CNTNAP5: variants seen among roughly 807,000 people sequenced by gnomAD.
CNTNAP5 encodes contactin-associated protein-like 5.
CNTNAP5 carries 72 observed loss-of-function variants against 150.2 expected under a neutral mutation model. The observed-to-expected ratio is 0.48, with a 90% CI of 0.40 to 0.58. CNTNAP5 has a LOEUF of 0.58. CNTNAP5 is among the 20% of genes least tolerant of loss of function. CNTNAP5 has a pLI of 0.00. For missense variants in CNTNAP5, 1,636 were observed against 1,626.2 expected, an observed-to-expected ratio of 1.01 and a Z score of -0.10; for synonymous variants, 672 against 619.8, an observed-to-expected ratio of 1.08 and a Z score of -1.25.
At chr2:124,161,806 G>A (rs1259557864) in intron 1 of CNTNAP5, among the ~76,000 whole-genome samples, 1 of 152,112 alleles carries the variant, frequency 6.6e-6, no homozygotes, top group Non-Finnish European at 1.5e-5. Flanking sequence ...TAAAATATGA[G>A]CATCATTAAA....
intron 1 of CNTNAP5, among the ~76,000 whole-genome samples, chr2:124,090,903 G>C (rs977466411): frequency 6.6e-6 from 1 of 152,158 alleles, no homozygotes; most frequent in Non-Finnish European, 1.5e-5. Context: ...GAAAACCTGT[G>C]CTCTGTTCAA....
chr2:124,836,840 CGT>C (rs1682840189), intron 19 of CNTNAP5, among the ~76,000 whole-genome samples: 1 of 152,104 alleles, frequency 6.6e-6, no homozygotes, highest in South Asian at 2.1e-4. Flanking sequence ...ACACATACCT[CGT>C]GTTTGTATTG....
chr2:124,521,734 T>G (rs919404277), intron 8 of CNTNAP5, among the ~76,000 whole-genome samples: 5 of 152,294 alleles, frequency 3.3e-5, no homozygotes, highest in African/African-American at 1.2e-4. Flanking sequence ...GCAAATGCAG[T>G]CCCATATGTT....
chr2:124,494,219 G>A (rs1004643591), intron 7 of CNTNAP5, among the ~76,000 whole-genome samples: 1 of 152,000 alleles, frequency 6.6e-6, no homozygotes, highest in African/African-American at 2.4e-5. Context: ...CTAACTCCAA[G>A]TTTGAAGGCT....
intron 13 of CNTNAP5, among the ~76,000 whole-genome samples, chr2:124,702,346 C>CCTTTTT (rs1679539235): frequency 1.9e-5 from 1 of 52,214 alleles, no homozygotes; most frequent in Non-Finnish European, 3.3e-5. Context: ...ACTATGAACA[C>CCTTTTT]TTTTTTTTTT....
chr2:124,682,741 G>T (rs949923709), intron 13 of CNTNAP5, among the ~76,000 whole-genome samples: 2 of 152,132 alleles, frequency 1.3e-5, no homozygotes, highest in Admixed American at 6.6e-5. Context: ...AATCTACCAG[G>T]TTCCTCAATC....
intron 1 of CNTNAP5, among the ~76,000 whole-genome samples, chr2:124,120,236 C>A (rs1243549012): frequency 1.3e-5 from 2 of 152,174 alleles, no homozygotes; most frequent in South Asian, 2.1e-4. Context: ...TGCTCCCCAA[C>A]CGAGGTCCTC....
chr2:124,592,373 A>ATGTG (rs1281431649), intron 11 of CNTNAP5, among the ~76,000 whole-genome samples: 212 of 111,804 alleles, frequency 1.9e-3, no homozygotes, highest in African/African-American at 3.0e-3. Flanking sequence ...GTGTATATAT[A>ATGTG]TATGTGTGTG....
At chr2:124,538,452 T>G (rs1322773116) in intron 10 of CNTNAP5, among the ~76,000 whole-genome samples, 1 of 150,728 alleles carries the variant, frequency 6.6e-6, no homozygotes, top group African/African-American at 2.4e-5. Flanking sequence ...CACTCCAGCC[T>G]GGGTGACACA....
chr2:124,580,654 G>A (rs190517099), intron 11 of CNTNAP5, among the ~76,000 whole-genome samples: 9 of 152,266 alleles, frequency 5.9e-5, no homozygotes, highest in East Asian at 1.9e-4. Context: ...TAACAGTTAC[G>A]TTTGGTCATG....
At chr2:124,634,602 G>A (rs1677933991) in intron 12 of CNTNAP5, among the ~76,000 whole-genome samples, 1 of 152,146 alleles carries the variant, frequency 6.6e-6, no homozygotes, top group African/African-American at 2.4e-5. Flanking sequence ...TTGACATCTG[G>A]GTTCAAGTGA....
At chr2:124,198,471 T>C (rs1416087240) in intron 1 of CNTNAP5, among the ~76,000 whole-genome samples, 1 of 152,080 alleles carries the variant, frequency 6.6e-6, no homozygotes, top group Non-Finnish European at 1.5e-5. Context: ...TTCATGAGTA[T>C]ACTGCGTGAT....
chr2:124,453,251 G>T (rs1185846358), intron 6 of CNTNAP5, among the ~76,000 whole-genome samples: 4 of 151,930 alleles, frequency 2.6e-5, no homozygotes, highest in Admixed American at 2.0e-4. Flanking sequence ...AAAATTCTCA[G>T]CAATAGAATC....
chr2:124,428,353 T>C (rs1692290979), intron 4 of CNTNAP5, among the ~76,000 whole-genome samples: 1 of 152,184 alleles, frequency 6.6e-6, no homozygotes, highest in Non-Finnish European at 1.5e-5. Flanking sequence ...GCGTGCTTGC[T>C]CTCTCCAGCT....
intron 1 of CNTNAP5, among the ~76,000 whole-genome samples, chr2:124,039,099 T>C (rs1417598236): frequency 1.3e-5 from 2 of 152,228 alleles, no homozygotes; most frequent in Admixed American, 6.5e-5. Context: ...GACAATCTTA[T>C]TGGAATTTAC....
chr2:124,033,706 G>A (rs908351800), intron 1 of CNTNAP5, among the ~76,000 whole-genome samples: 1 of 152,190 alleles, frequency 6.6e-6, no homozygotes, highest in African/African-American at 2.4e-5. Flanking sequence ...GGGAACCTGG[G>A]AAGGCCCCTT....
chr2:124,886,844 C>T (rs1678091988), intron 21 of CNTNAP5, among the ~76,000 whole-genome samples: 1 of 152,066 alleles, frequency 6.6e-6, no homozygotes, highest in African/African-American at 2.4e-5. Context: ...CATGTACTGA[C>T]CACATGTCCT....
chr2:124,678,997 A>G (rs1679004183), intron 13 of CNTNAP5, among the ~76,000 whole-genome samples: 1 of 151,938 alleles, frequency 6.6e-6, no homozygotes, highest in Non-Finnish European at 1.5e-5. Context: ...TAGGATAGGC[A>G]GGGCATAGTA....
rs566611056 is a variant in CNTNAP5, at chr2:124,488,896, G to A, written c.1062+14014G>A. On this transcript the variant is annotated intron_variant, in intron 7 of 23. Transcript: ENST00000682447. Reference sequence around the variant, plus strand: ...TGACTCTTAGCTGCCTGGAGATAGAGTGTTTGAAGATTGTCTTCACGTGTC... The same window carrying A: ...TGACTCTTAGCTGCCTGGAGATAGAATGTTTGAAGATTGTCTTCACGTGTC... Among the ~76,000 whole-genome samples the A allele has an allele frequency of 3.3e-5, 5 of 152,138 alleles. No individual in the cohort carries two copies. The South Asian group carries it at 1.0e-3, about 31-fold the overall frequency.
Sources: gnomAD v4.1 joint callset for allele counts (sites outside exome capture counted in the v4.1 genomes callset) on GRCh38, gnomAD v4.1.1 for gene constraint, MANE v1.5 for transcripts, NCBI Gene and HGNC (gene_info 2026-07-23, HGNC 2026-07-21) for gene names.